Variants in CALR observed in about 807,000 individuals in gnomAD.
CALR encodes the protein calreticulin, also known as CRP55.
CALR carries 15 observed loss-of-function variants against 51.1 expected under a neutral mutation model. That is an observed-to-expected ratio of 0.29 (90% CI 0.20 to 0.45). The LOEUF is 0.45. Among genes scored for constraint, CALR ranks in the 20% least tolerant of loss-of-function variants. The pLI is 1.00. For missense variants in CALR, 477 were observed against 530.6 expected, an observed-to-expected ratio of 0.90 and a Z score of 0.99; for synonymous variants, 239 against 205.9, an observed-to-expected ratio of 1.16 and a Z score of -1.38.
intron 1 of CALR, 21 bp from the exon 2 acceptor site, chr19:12,939,113 C>G (rs374762391): frequency 6.9e-7 from 1 of 1,452,726 alleles, no homozygotes; most frequent in Non-Finnish European, 9.6e-7. Context: ...CTCTGACCTA[C>G]CCCTCTAATC....
At chr19:12,939,740 T>A in intron 3 of CALR, 109 bp downstream of exon 3, 1 of 929,262 alleles carries the variant, frequency 1.1e-6, no homozygotes, top group South Asian at 1.3e-5. Flanking sequence ...GCTAAAAGAA[T>A]AAGTCCCAGC....
In CALR at chr19:12,940,532, A is replaced by AC. The variant is rs764010401; in HGVS notation, c.703-3dup. 7 of 1,613,402 alleles carry AC rather than the reference A, an allele frequency of 4.3e-6. No individual in the cohort carries two copies. Among genetic ancestry groups the AC allele is most frequent in the Middle Eastern group, 1.6e-4 (1 of 6,062 alleles). The stretch of plus-strand genomic sequence containing the variant: ...TGGGCCAACTCTGATCTCTTCATCT[A>AC]CCCCCCAGGACTGGGACAAGCCCGA... On this transcript the variant is annotated splice_polypyrimidine_tract_variant and intron_variant, in intron 5 of 8. Coordinates refer to ENST00000316448, the MANE Select transcript of CALR (RefSeq NM_004343.4).
Position 12,940,100 on chromosome 19 carries a change from A to G in CALR, c.445A>G (p.Asn149Asp). The stretch of plus-strand genomic sequence containing the variant: ...CACCAAGAAGGTTCATGTCATCTTC[A>G]ACTACAAGGGCAAGAACGTGCTGAT... ...PGTKKVHVIF[N>D]YKGKNVLINK... Residue 149 changes from asparagine (N) to aspartate (D), a missense_variant, in exon 4 of 9, where the codon AAC (asparagine) becomes GAC (aspartate). Transcript: ENST00000316448. The G allele has an allele frequency of 6.2e-7, 1 of 1,614,178 alleles. No individual in the cohort carries two copies. Among genetic ancestry groups the G allele is most frequent in the Admixed American group, 1.7e-5 (1 of 60,030 alleles).
intron 3 of CALR, 146 bp downstream of exon 3, chr19:12,939,777 A>G (rs983760580): frequency 1.9e-5 from 15 of 779,652 alleles, no homozygotes; most frequent in African/African-American, 1.2e-4. Flanking sequence ...ATGATCGCAG[A>G]TCTAGGCTGT....
intron 6 of CALR, 43 bp from the exon 7 acceptor site, chr19:12,940,701 C>G: frequency 1.9e-6 from 3 of 1,614,036 alleles, no homozygotes; most frequent in Middle Eastern, 1.6e-4. Flanking sequence ...GTGGGGAGTG[C>G]ACCAACCTTA....
At position 12,944,077 on chromosome 19, in the gene CALR, C is replaced by A; in HGVS notation, c.*164C>A. On this transcript the variant is annotated 3_prime_UTR_variant, in exon 9 of 9. Transcript: ENST00000316448. ...GTTCCCCTCCTCCACTCTCCCCCAC[C>A]CCCTCCCCGCCCTTTTTTTTTTTTT... 1 of 1,085,482 alleles carries A rather than the reference C, an allele frequency of 9.2e-7. No individual in the cohort carries two copies. The highest frequency in any genetic ancestry group is 1.6e-5 in the South Asian group (1 of 60,836). 67.2% of individuals were successfully genotyped at this position (1,085,482 alleles called of 1,614,324 possible).
At chr19:12,943,152 T>C (rs930025957) in intron 7 of CALR, 15 of 257,124 alleles carry the variant, frequency 5.8e-5, no homozygotes. Context: ...TGGCACGATC[T>C]TGGCTCACTG....
At chr19:12,940,970 C>T (rs908158095) in intron 7 of CALR, 83 bp downstream of exon 7, 11 of 1,372,974 alleles carry the variant, frequency 8.0e-6, no homozygotes, top group African/African-American at 5.7e-5. Flanking sequence ...AGGGTAGGCA[C>T]CCCAGGTGAG....
Position 12,940,834 on chromosome 19 carries a change from C to T in CALR, c.907C>T (p.Pro303Ser). The stretch of plus-strand genomic sequence containing the variant: ...TGACAACCCCGAGTATTCTCCCGAT[C>T]CCAGTATCTATGCCTATGATAACTT... ...EIDNPEYSPD[P>S]SIYAYDNFGV... Residue 303 changes from proline (P) to serine (S), a missense_variant, in exon 7 of 9, where the codon CCC becomes TCC. Pro to Ser is a moderately conservative substitution (Grantham distance 74). Transcript: ENST00000316448. The T allele has an allele frequency of 3.1e-6, 5 of 1,614,072 alleles. No homozygotes were observed. In the South Asian group the frequency reaches 4.4e-5, roughly 14 times the overall value.
At position 12,943,955 on chromosome 19, in the gene CALR, T is replaced by G; in HGVS notation, c.*42T>G. The G allele has an allele frequency of 6.2e-7, 1 of 1,603,722 alleles. No individual in the cohort carries two copies. The highest frequency in any genetic ancestry group is 8.5e-7 in the Non-Finnish European group (1 of 1,176,316). ...GGCTGGACTGAGGCCTGAGCGCTCCTGCCGCAGAGCTGGCCGCGCCAAATA... is the reference window on the plus strand; with the variant it reads ...GGCTGGACTGAGGCCTGAGCGCTCCGGCCGCAGAGCTGGCCGCGCCAAATA... On this transcript the variant is annotated 3_prime_UTR_variant, in exon 9 of 9. Coordinates refer to ENST00000316448, the MANE Select transcript of CALR (RefSeq NM_004343.4).
chr19:12,939,377 G>C (rs1296500696), intron 2 of CALR, 51 bp from the exon 3 acceptor site: 1 of 1,576,782 alleles, frequency 6.3e-7, no homozygotes, highest in African/African-American at 1.3e-5. Context: ...CTAAGTCGAG[G>C]GTCCTCGCGA....
At chr19:12,941,831 T>C (rs1372785335) in intron 7 of CALR, among the ~76,000 whole-genome samples, 18 of 151,312 alleles carry the variant, frequency 1.2e-4, no homozygotes, top group Admixed American at 1.1e-3. Flanking sequence ...CTCGAACTCC[T>C]GGCCTCAGGT....
chr19:12,942,342 G>A (rs1470354554), intron 7 of CALR, among the ~76,000 whole-genome samples: 3 of 148,516 alleles, frequency 2.0e-5, no homozygotes, highest in Non-Finnish European at 4.4e-5. Context: ...CAGCCTGGGT[G>A]ATAGCGAGAC....
At chr19:12,939,992 G>A in intron 3 of CALR, 61 bp from the exon 4 acceptor site, 2 of 1,164,996 alleles carry the variant, frequency 1.7e-6, no homozygotes, top group Non-Finnish European at 2.6e-6. Context: ...TATAAAGAGG[G>A]GTGAGAGCCT....
chr19:12,942,111 G>A (rs1971556575), intron 7 of CALR, among the ~76,000 whole-genome samples: 1 of 151,516 alleles, frequency 6.6e-6, no homozygotes, highest in African/African-American at 2.4e-5. Context: ...TGTAATCCCA[G>A]CACTTTGGGA....
chr19:12,941,812 C>T (rs1304167471), intron 7 of CALR, among the ~76,000 whole-genome samples: 1 of 151,264 alleles, frequency 6.6e-6, no homozygotes, highest in Non-Finnish European at 1.5e-5. Context: ...TCATGTTGCC[C>T]AGGTTGGTCT....
chr19:12,939,972 G>A (rs900574230), intron 3 of CALR, 81 bp from the exon 4 acceptor site: 2 of 1,016,708 alleles, frequency 2.0e-6, no homozygotes, highest in Admixed American at 1.9e-5. Flanking sequence ...GAAGAACCAG[G>A]TCTTCCTTTT....
intron 7 of CALR, among the ~76,000 whole-genome samples, chr19:12,941,755 T>G (rs1472074287): frequency 6.6e-6 from 1 of 151,818 alleles, no homozygotes; most frequent in African/African-American, 2.4e-5. Context: ...AGTGCTGGGA[T>G]TACAGGCGTG....
At position 12,943,757 on chromosome 19, in the gene CALR, G is replaced by C; in HGVS notation, c.1098G>C (p.Arg366Ser). ...QMKDKQDEEQ[R>S]LKEEEEDKKR... ...AGGACAAACAGGACGAGGAGCAGAG[G>C]CTTAAGGAGGAGGAAGAAGACAAGA... Residue 366 changes from arginine (R) to serine (S), a missense_variant, in exon 9 of 9, where the codon AGG (arginine) becomes AGC (serine). Transcript: ENST00000316448. 1 of 1,610,608 alleles carries C rather than the reference G, an allele frequency of 6.2e-7. No homozygotes were observed. The highest frequency in any genetic ancestry group is 1.3e-5 in the African/African-American group (1 of 74,992).
Sources: gnomAD v4.1 joint callset for allele counts (sites outside exome capture counted in the v4.1 genomes callset) on GRCh38, gnomAD v4.1.1 for gene constraint, MANE v1.5 for transcripts, NCBI Gene and HGNC (gene_info 2026-07-23, HGNC 2026-07-21) for gene names.